Variants in FAF1 observed in about 807,000 individuals in gnomAD.
FAF1 encodes the protein Fas associated factor 1, also known as FAS-associated factor 1.
In FAF1, 25 loss-of-function variants were observed where a neutral mutation model predicts 92.5. The ratio of observed to expected loss-of-function variants is 0.27; its 90% confidence interval spans 0.20 to 0.38. FAF1 has a LOEUF of 0.38. Ranked by LOEUF, FAF1 falls within the 10% of genes least tolerant of loss-of-function variation. The pLI is 1.00. For synonymous variants in FAF1, 234 were observed against 273.2 expected (o/e 0.86, Z 1.42); for missense variants, 636 against 793.3 (o/e 0.80, Z 2.38).
At chr1:50,738,779 A>T in intron 6 of FAF1, 84 bp downstream of exon 6, 1 of 835,500 alleles carries the variant, frequency 1.2e-6, no homozygotes, top group Non-Finnish European at 2.0e-6. Context: ...TATTTGATTT[A>T]ATTTTGAGGT....
chr1:50,721,142 A>T (rs1658393300), intron 6 of FAF1, among the ~76,000 whole-genome samples: 1 of 152,156 alleles, frequency 6.6e-6, no homozygotes, highest in Non-Finnish European at 1.5e-5. Flanking sequence ...AAAATAACAA[A>T]AAGTTGTTTC....
In FAF1 at chr1:50,460,947, G is replaced by A. The variant is rs143374908; in HGVS notation, c.1869+14517C>T. Reference sequence around the variant, plus strand: ...GGATTACTGGTGTGAGCCACAGCACGTGGCCTAAGTAAAGTGCCTCTAAAT... The same window carrying A: ...GGATTACTGGTGTGAGCCACAGCACATGGCCTAAGTAAAGTGCCTCTAAAT... On this transcript the variant is annotated intron_variant, in intron 18 of 18. Transcript: ENST00000396153. 2.0e-3 allele frequency among the ~76,000 whole-genome samples: 298 copies of A among 152,172 alleles called. 2 individuals are homozygous for A. The highest frequency in any genetic ancestry group is 6.0e-3 in the Admixed American group (92 of 15,274).
chr1:50,699,464 C>T (rs1182760869), intron 7 of FAF1, among the ~76,000 whole-genome samples: 2 of 151,996 alleles, frequency 1.3e-5, no homozygotes, highest in Non-Finnish European at 2.9e-5. Context: ...AACTGCAATT[C>T]ACACTTAATG....
At chr1:50,491,212 C>T (rs1435048746) in intron 16 of FAF1, among the ~76,000 whole-genome samples, 2 of 152,234 alleles carry the variant, frequency 1.3e-5, no homozygotes, top group African/African-American at 2.4e-5. Context: ...ACTGAACTCT[C>T]ACAGAACTCA....
rs1427332133 is a variant in FAF1, at chr1:50,819,730, C to CATATATATATACGTAT, written c.115-18054_115-18053insATACGTATATATATAT. Reference sequence around the variant, plus strand: ...ATATATATATACGTATATATATATACATATATATACATATATATATACATA... The same window carrying CATATATATATACGTAT: ...ATATATATATACGTATATATATATACATATATATATACGTATATATATATACATATATATATACATA... On this transcript the variant is annotated intron_variant, in intron 2 of 18. Transcript: ENST00000396153. 3.1e-4 allele frequency among the ~76,000 whole-genome samples: 11 copies of CATATATATATACGTAT among 35,886 alleles called. 1 individual carries two copies. Among genetic ancestry groups the CATATATATATACGTAT allele is most frequent in the Admixed American group, 4.4e-4 (1 of 2,270 alleles). 23.5% of individuals were successfully genotyped at this position (35,886 alleles called of 152,430 possible).
chr1:50,626,390 T>C (rs1270440625), intron 8 of FAF1, among the ~76,000 whole-genome samples: 1 of 152,076 alleles, frequency 6.6e-6, no homozygotes, highest in African/African-American at 2.4e-5. Flanking sequence ...AAATCACAAC[T>C]GTAAATGCAA....
chr1:50,788,854 T>C (rs951020192), intron 3 of FAF1, among the ~76,000 whole-genome samples: 11 of 152,150 alleles, frequency 7.2e-5, no homozygotes, highest in Non-Finnish European at 1.6e-4. Context: ...TTGTTTGAGA[T>C]GGGGTCTCTC....
intron 2 of FAF1, among the ~76,000 whole-genome samples, chr1:50,852,701 G>A (rs1644360871): frequency 6.6e-6 from 1 of 152,136 alleles, no homozygotes; most frequent in Non-Finnish European, 1.5e-5. Context: ...TGTGAGCTTG[G>A]ACAGTTTACT....
At chr1:50,716,958 T>G (rs1218332854) in intron 6 of FAF1, among the ~76,000 whole-genome samples, 1 of 152,158 alleles carries the variant, frequency 6.6e-6, no homozygotes, top group Non-Finnish European at 1.5e-5. Flanking sequence ...TTAAGAGCTG[T>G]AACACTTGCT....
chr1:50,952,260 G>A (rs369141849), intron 1 of FAF1, among the ~76,000 whole-genome samples: 35 of 152,304 alleles, frequency 2.3e-4, no homozygotes, highest in Non-Finnish European at 2.9e-4. Flanking sequence ...GGCGCGCGCC[G>A]CCACGCCTGA....
chr1:50,956,895 G>A (rs1195220820), intron 1 of FAF1, among the ~76,000 whole-genome samples: 1 of 152,150 alleles, frequency 6.6e-6, no homozygotes, highest in Non-Finnish European at 1.5e-5. Context: ...TTGCAGTGAG[G>A]CGAGATCATG....
chr1:50,466,756 T>C (rs1290283632), intron 18 of FAF1, among the ~76,000 whole-genome samples: 3 of 152,196 alleles, frequency 2.0e-5, no homozygotes, highest in East Asian at 3.9e-4. Flanking sequence ...CAGTTTTATA[T>C]ATCCTGTCCC....
chr1:50,934,522 A>G (rs1024619103), intron 1 of FAF1, among the ~76,000 whole-genome samples: 1 of 152,174 alleles, frequency 6.6e-6, no homozygotes, highest in African/African-American at 2.4e-5. Context: ...CAGAAGTTTG[A>G]GACCAGCCTG....
chr1:50,922,985 T>C (rs1644977475), intron 1 of FAF1, among the ~76,000 whole-genome samples: 1 of 152,090 alleles, frequency 6.6e-6, no homozygotes. Context: ...CAGGATATTA[T>C]GAACAGCTAT....
chr1:50,780,964 A>C (rs1367544821), intron 4 of FAF1: 4 of 484,000 alleles, frequency 8.3e-6, no homozygotes, highest in Non-Finnish European at 1.7e-5. Context: ...ACAGGAGGTC[A>C]TCATCTCTGC....
chr1:50,936,255 A>G (rs1645084045), intron 1 of FAF1, among the ~76,000 whole-genome samples: 1 of 152,256 alleles, frequency 6.6e-6, no homozygotes, highest in Non-Finnish European at 1.5e-5. Context: ...AGACAAACAG[A>G]TATTTACAAA....
At chr1:50,584,890 C>A (rs1042687972) in intron 9 of FAF1, 79 bp from the exon 10 acceptor site, 4 of 1,299,636 alleles carry the variant, frequency 3.1e-6, no homozygotes, top group Non-Finnish European at 3.3e-6. Flanking sequence ...ATAATAACAA[C>A]AGGACATAAG....
intron 8 of FAF1, among the ~76,000 whole-genome samples, chr1:50,628,392 C>T (rs1222959383): frequency 6.6e-6 from 1 of 152,112 alleles, no homozygotes; most frequent in Non-Finnish European, 1.5e-5. Context: ...TGGTCAGTGG[C>T]AATACTCTAA....
intron 1 of FAF1, among the ~76,000 whole-genome samples, chr1:50,902,347 C>G (rs1644802792): frequency 6.6e-6 from 1 of 152,104 alleles, no homozygotes; most frequent in African/African-American, 2.4e-5. Flanking sequence ...AAAATACACA[C>G]TACATTTCTT....
Sources: allele counts gnomAD v4.1 joint callset (sites outside exome capture counted in the v4.1 genomes callset), GRCh38; gene constraint gnomAD v4.1.1; transcripts MANE v1.5; gene names NCBI Gene and HGNC (gene_info 2026-07-23, HGNC 2026-07-21).